PDS5B: variants seen among roughly 807,000 people sequenced by gnomAD.
PDS5B encodes PDS5 cohesin associated factor B, also known as sister chromatid cohesion protein PDS5 homolog B.
A neutral mutation model predicts 184.1 loss-of-function variants in PDS5B; 51 were observed. The observed-to-expected ratio is 0.28, with a 90% CI of 0.22 to 0.35. PDS5B has a LOEUF of 0.35. PDS5B is among the 10% of genes least tolerant of loss of function. The pLI, the probability that PDS5B is intolerant of heterozygous loss-of-function variation, is 1.00. For synonymous variants in PDS5B, 566 were observed against 569.2 expected, an observed-to-expected ratio of 0.99 and a Z score of 0.08; for missense variants, 1,180 against 1,723.3, an observed-to-expected ratio of 0.68 and a Z score of 5.58.
intron 25 of PDS5B, among the ~76,000 whole-genome samples, chr13:32,754,508 C>T (rs1413867378): frequency 2.0e-5 from 3 of 152,046 alleles, no homozygotes; most frequent in East Asian, 3.8e-4. Context: ...TGAACAAAAC[C>T]AAGGAACATG....
intron 33 of PDS5B, among the ~76,000 whole-genome samples, chr13:32,772,188 TAAA>T (rs537047558): frequency 4.6e-5 from 7 of 152,160 alleles, no homozygotes; most frequent in Non-Finnish European, 8.8e-5. Flanking sequence ...GAGCGTGAGT[TAAA>T]AAAATACATA....
At chr13:32,693,547 A>AAGTG (rs1233585262) in intron 13 of PDS5B, among the ~76,000 whole-genome samples, 1 of 151,712 alleles carries the variant, frequency 6.6e-6, no homozygotes, top group Admixed American at 6.6e-5. Flanking sequence ...GTGTAGAATA[A>AAGTG]TTGAAAACAA....
At chr13:32,648,514 AG>A (rs1950283277) in intron 1 of PDS5B, among the ~76,000 whole-genome samples, 1 of 151,896 alleles carries the variant, frequency 6.6e-6, no homozygotes, top group African/African-American at 2.4e-5. Flanking sequence ...TTTTAGTTGG[AG>A]GGTTAGGACA....
At chr13:32,653,457 A>C (rs2140672658) in intron 3 of PDS5B, among the ~76,000 whole-genome samples, 1 of 152,276 alleles carries the variant, frequency 6.6e-6, no homozygotes. Context: ...GGTGAAAAAA[A>C]CCCAGGCATG....
In PDS5B at chr13:32,692,414, C is replaced by CTTTTTTTTTTTTTTTTTTTTTTT. The variant is rs1593440334; in HGVS notation, c.1470-1809_1470-1808insTTTTTTTTTTTTTTTTTTTTTTT. ...ATTAAACAAGTTTGCGTCCAAAAAG[C>CTTTTTTTTTTTTTTTTTTTTTTT]CTTTTTTTTTTTTTTTTTTTTTTTT... On this transcript the variant is annotated intron_variant, in intron 13 of 34. Coordinates refer to ENST00000315596, the MANE Select transcript of PDS5B (RefSeq NM_015032.4). 4.6e-4 allele frequency among the ~76,000 whole-genome samples: 32 copies of CTTTTTTTTTTTTTTTTTTTTTTT among 69,124 alleles called. 16 individuals carry two copies. The highest frequency in any genetic ancestry group is 3.9e-4 in the Non-Finnish European group (14 of 35,736). 45.3% of individuals were successfully genotyped at this position (69,124 alleles called of 152,430 possible). A position where few individuals can be genotyped will look rare whatever the true frequency, so the allele number is the denominator to read the frequency against.
intron 19 of PDS5B, among the ~76,000 whole-genome samples, chr13:32,730,072 G>C (rs1440555315): frequency 6.6e-6 from 1 of 152,028 alleles, no homozygotes; most frequent in Non-Finnish European, 1.5e-5. Flanking sequence ...GTTTTTTATG[G>C]TTTTAGGTTT....
chr13:32,630,108 T>G (rs1341783938), intron 1 of PDS5B, among the ~76,000 whole-genome samples: 1 of 152,230 alleles, frequency 6.6e-6, no homozygotes, highest in Non-Finnish European at 1.5e-5. Flanking sequence ...CAGTGTTCCT[T>G]AACTTTCTTT....
At chr13:32,626,310 A>G (rs935143113) in intron 1 of PDS5B, among the ~76,000 whole-genome samples, 6 of 152,178 alleles carry the variant, frequency 3.9e-5, no homozygotes, top group Non-Finnish European at 7.3e-5. Flanking sequence ...TTCCTCCTCA[A>G]CTACAAACAG....
intron 1 of PDS5B, among the ~76,000 whole-genome samples, chr13:32,588,421 C>T (rs1008235874): frequency 1.3e-5 from 2 of 152,138 alleles, no homozygotes; most frequent in Non-Finnish European, 2.9e-5. Flanking sequence ...GCACTTTAGA[C>T]TTTATAAAAA....
chr13:32,587,396 G>C (rs1212458543), intron 1 of PDS5B, among the ~76,000 whole-genome samples: 1 of 152,200 alleles, frequency 6.6e-6, no homozygotes, highest in East Asian at 1.9e-4. Flanking sequence ...CAGAAGGAAC[G>C]GCGGGGAAAA....
intron 19 of PDS5B, among the ~76,000 whole-genome samples, chr13:32,730,408 A>C (rs770910488): frequency 2.0e-5 from 3 of 152,154 alleles, no homozygotes; most frequent in Non-Finnish European, 2.9e-5. Context: ...CTTTTTGCTT[A>C]GGATTGTCTT....
intron 24 of PDS5B, among the ~76,000 whole-genome samples, chr13:32,747,825 G>A (rs551097683): frequency 3.3e-5 from 5 of 152,060 alleles, no homozygotes; most frequent in Non-Finnish European, 7.4e-5. Flanking sequence ...TATTGAAGTG[G>A]AAATATTTAA....
chr13:32,689,349 CT>C (rs964738694), intron 13 of PDS5B: 6 of 152,118 alleles, frequency 3.9e-5, no homozygotes, highest in African/African-American at 1.4e-4. Flanking sequence ...ATTATATTTT[CT>C]GTTTATGTTT....
chr13:32,718,732 A>G (rs1952566491), intron 19 of PDS5B, among the ~76,000 whole-genome samples: 1 of 152,260 alleles, frequency 6.6e-6, no homozygotes, highest in Non-Finnish European at 1.5e-5. Flanking sequence ...GAATCAACCG[A>G]AAAACTACTC....
At chr13:32,672,363 T>A (rs1950959679) in intron 7 of PDS5B, among the ~76,000 whole-genome samples, 1 of 152,068 alleles carries the variant, frequency 6.6e-6, no homozygotes, top group Admixed American at 6.6e-5. Flanking sequence ...ACAGCCAATA[T>A]TGAGTGAGTG....
chr13:32,616,346 C>T (rs978580351), intron 1 of PDS5B, among the ~76,000 whole-genome samples: 4 of 151,874 alleles, frequency 2.6e-5, no homozygotes, highest in East Asian at 3.9e-4. Context: ...TGAGCCACTG[C>T]GCCTGGCCCC....
chr13:32,694,402 C>A lies in PDS5B; in HGVS notation c.1551+98C>A, dbSNP rs1429606273. ...TGTGTTAAACAATTCTTTCTGTTTGCAAAAGTTCTGATTGTAGAAGTTAGG... is the reference window on the plus strand; with the variant it reads ...TGTGTTAAACAATTCTTTCTGTTTGAAAAAGTTCTGATTGTAGAAGTTAGG... On this transcript the variant is annotated intron_variant, in intron 14 of 34. Transcript: ENST00000315596. The A allele has an allele frequency of 1.5e-5, 12 of 782,506 alleles. No individual in the cohort carries two copies. The African/African-American group carries it at 2.0e-4, about 13-fold the overall frequency. The allele number at this position is 782,506 out of a possible 1,614,324, so 48.5% of individuals were successfully genotyped here. A position where few individuals can be genotyped will look rare whatever the true frequency, so the allele number is the denominator to read the frequency against.
At position 32,701,368 on chromosome 13, in the gene PDS5B, C is replaced by T; in HGVS notation, c.1786C>T (p.Pro596Ser). The T allele has an allele frequency of 6.2e-7, 1 of 1,612,770 alleles. No individual in the cohort carries two copies. Among genetic ancestry groups the T allele is most frequent in the Non-Finnish European group, 8.5e-7 (1 of 1,179,044 alleles). Residue 596 changes from proline (P) to serine (S), a missense_variant, in exon 17 of 35, where the codon CCT becomes TCT. Physicochemically the swap from Pro to Ser is moderately conservative, Grantham distance 74. Transcript: ENST00000315596. ...KLGNPKQPTN[P>S]FLEMIKFLLE... ...GGGCAACCCCAAACAGCCTACAAAT[C>T]CTTTCCTGGAAATGATCAAGTTTCT... is the stretch of plus-strand genomic sequence containing the variant.
chr13:32,622,370 T>C (rs1436733803), intron 1 of PDS5B, among the ~76,000 whole-genome samples: 7 of 152,176 alleles, frequency 4.6e-5, no homozygotes, highest in Admixed American at 1.3e-4. Flanking sequence ...TCTTTTTTTT[T>C]ACTGACTTGA....
Sources: gnomAD v4.1 joint callset for allele counts (sites outside exome capture counted in the v4.1 genomes callset) on GRCh38, gnomAD v4.1.1 for gene constraint, MANE v1.5 for transcripts, NCBI Gene and HGNC (gene_info 2026-07-23, HGNC 2026-07-21) for gene names.